The following LIPA variants were observed in gnomAD, a reference collection of about 807,000 sequenced individuals.
The protein encoded by LIPA is lipase A, lysosomal acid type, also known as lysosomal acid lipase/cholesteryl ester hydrolase.
LIPA carries 26 observed loss-of-function variants against 40.6 expected under a neutral mutation model. The observed-to-expected ratio is 0.64, with a 90% CI of 0.47 to 0.89. The LOEUF (loss-of-function observed/expected upper bound fraction) is 0.89, where lower values mean the gene tolerates loss of function less well. LIPA is among the 40% of genes least tolerant of loss of function. The probability of loss-of-function intolerance (pLI) is 0.00; values close to 1 mark genes in which losing one functional copy is unlikely to be tolerated. For synonymous variants in LIPA, 188 were observed against 168.4 expected (o/e 1.12, Z -0.90); for missense variants, 455 against 479.6 (o/e 0.95, Z 0.48).
At chr10:89,260,586 C>A (rs935380988) in intron 1 of LIPA, among the ~76,000 whole-genome samples, 2 of 152,198 alleles carry the variant, frequency 1.3e-5, no homozygotes, top group Non-Finnish European at 1.5e-5. Context: ...CACGCTTGGG[C>A]CTCCTACTTG....
At chr10:89,286,558 C>A (rs977980476) in intron 1 of LIPA, among the ~76,000 whole-genome samples, 3 of 152,288 alleles carry the variant, frequency 2.0e-5, no homozygotes, top group African/African-American at 7.2e-5. Context: ...CAACCTCTCC[C>A]AAATCAGTTA....
upstream of LIPA, among the ~76,000 whole-genome samples, chr10:89,254,535 A>C (rs981511050): frequency 1.3e-5 from 2 of 152,160 alleles, no homozygotes; most frequent in Non-Finnish European, 2.9e-5. Flanking sequence ...CTGTGATGGG[A>C]GGGGCTGCCT....
At chr10:89,297,412 T>C (rs900598580) in intron 1 of LIPA, among the ~76,000 whole-genome samples, 2 of 152,030 alleles carry the variant, frequency 1.3e-5, no homozygotes, top group Non-Finnish European at 2.9e-5. Flanking sequence ...TTACATCCTA[T>C]CCTGGGAACC....
intron 1 of LIPA, among the ~76,000 whole-genome samples, chr10:89,336,238 A>G (rs1468338877): frequency 6.6e-6 from 1 of 151,758 alleles, no homozygotes; most frequent in Admixed American, 6.6e-5. Flanking sequence ...AGGGAGGGAA[A>G]GAAGGAAGGA....
At chr10:89,385,002 G>A in intron 2 of LIPA, 1 of 416,844 alleles carries the variant, frequency 2.4e-6, no homozygotes, top group Non-Finnish European at 4.3e-6. Context: ...ATCTTTCTTG[G>A]AACATAGCAA....
chr10:89,370,823 C>T (rs1281213313), intron 2 of LIPA, among the ~76,000 whole-genome samples: 1 of 152,046 alleles, frequency 6.6e-6, no homozygotes, highest in Admixed American at 6.6e-5. Context: ...TCAAGACTAG[C>T]CTGGCCAACA....
At chr10:89,340,178 G>T in intron 1 of LIPA, 1 of 1,517,322 alleles carries the variant, frequency 6.6e-7, no homozygotes, top group East Asian at 2.3e-5. Flanking sequence ...TGGTTGTGAC[G>T]GGTAGGACGA....
At position 89,384,451 on chromosome 10, in the gene LIPA, A is replaced by T. The variant is rs752605143; in HGVS notation, c.61+28340T>A. The T allele has an allele frequency of 3.7e-6, 6 of 1,614,114 alleles. No individual in the cohort carries two copies. Among genetic ancestry groups the T allele is most frequent in the Non-Finnish European group, 5.1e-6 (6 of 1,180,064 alleles). On this transcript the variant is annotated intron_variant, in intron 2 of 8. Coordinates refer to the LIPA transcript ENST00000371837. Reference sequence around the variant, plus strand: ...CTTTGAAGATCAGCTAAAGCAAGAGATTCATTACCACTACGGCCGTTTCCA... The same window carrying T: ...CTTTGAAGATCAGCTAAAGCAAGAGTTTCATTACCACTACGGCCGTTTCCA...
intron 2 of LIPA, chr10:89,406,012 A>T (rs138431125): frequency 5.7e-4 from 87 of 152,298 alleles, no homozygotes; most frequent in African/African-American, 1.9e-3. Flanking sequence ...TACTGATTTC[A>T]TCCATTGCCC....
At chr10:89,270,755 C>G (rs891073740) in intron 1 of LIPA, among the ~76,000 whole-genome samples, 4 of 152,216 alleles carry the variant, frequency 2.6e-5, no homozygotes, top group Non-Finnish European at 5.9e-5. Context: ...TTATACGACC[C>G]AACAGATCTG....
chr10:89,318,908 C>G (rs1308386379), intron 1 of LIPA, among the ~76,000 whole-genome samples: 1 of 152,202 alleles, frequency 6.6e-6, no homozygotes, highest in Non-Finnish European at 1.5e-5. Flanking sequence ...GATTAAGAAA[C>G]TCACTCAAAA....
chr10:89,407,034 G>T (rs1340788763), intron 2 of LIPA, among the ~76,000 whole-genome samples: 1 of 152,134 alleles, frequency 6.6e-6, no homozygotes, highest in Non-Finnish European at 1.5e-5. Context: ...CTGGGAAAGG[G>T]CTCTCTAACA....
intron 1 of LIPA, among the ~76,000 whole-genome samples, chr10:89,326,950 T>C (rs939335780): frequency 1.4e-4 from 21 of 152,290 alleles, no homozygotes; most frequent in African/African-American, 4.3e-4. Flanking sequence ...TAGGGAGACA[T>C]AAGGCATCAA....
chr10:89,307,229 A>G lies in LIPA; in HGVS notation c.-2+35382T>C, dbSNP rs772567224. 5 of 1,614,074 alleles carry G rather than the reference A, an allele frequency of 3.1e-6. No homozygotes were observed. In the East Asian group the frequency reaches 1.1e-4, roughly 36 times the overall value. Reference sequence around the variant, plus strand: ...AAAAATTGCCAAAATGCGACTTTCTAAAAATGGAGCAGATTCTGAGGCTTT... The same window carrying G: ...AAAAATTGCCAAAATGCGACTTTCTGAAAATGGAGCAGATTCTGAGGCTTT... On this transcript the variant is annotated intron_variant, in intron 1 of 5. Coordinates refer to the LIPA transcript ENST00000282673.
Position 89,247,570 on chromosome 10 carries a change from T to C in LIPA, c.79A>G (p.Thr27Ala). 1 of 1,612,384 alleles carries C rather than the reference T, an allele frequency of 6.2e-7. No individual in the cohort carries two copies. Among genetic ancestry groups the C allele is most frequent in the Non-Finnish European group, 8.5e-7 (1 of 1,178,564 alleles). The change falls in exon 2 of 10, where the codon ACA becomes GCA. Residue 27 changes from threonine to alanine, a missense_variant. Physicochemically the swap from Thr to Ala is moderately conservative, Grantham distance 58. Transcript: ENST00000336233. Reference sequence around the variant, plus strand: ...ATGTTTGTTTCAGGATCCACAGCTGTCAGTTTCCCTCCAGACCCCTCAGAA... The same window carrying C: ...ATGTTTGTTTCAGGATCCACAGCTGCCAGTTTCCCTCCAGACCCCTCAGAA... ...LHSEGSGGKL[T>A]AVDPETNMNV...
At chr10:89,410,841 G>A (rs1201755332) in intron 2 of LIPA, among the ~76,000 whole-genome samples, 1 of 152,168 alleles carries the variant, frequency 6.6e-6, no homozygotes, top group Non-Finnish European at 1.5e-5. Context: ...GGAGAGGGAA[G>A]AACAGCAGCA....
chr10:89,262,009 C>CT (rs1843213558), intron 1 of LIPA, among the ~76,000 whole-genome samples: 1 of 152,182 alleles, frequency 6.6e-6, no homozygotes. Context: ...GGTATGTGAT[C>CT]TGTTTTTTTC....
At chr10:89,294,187 G>A (rs570372514) in intron 1 of LIPA, among the ~76,000 whole-genome samples, 2 of 152,356 alleles carry the variant, frequency 1.3e-5, no homozygotes, top group Admixed American at 6.5e-5. Context: ...GAAAGATAAA[G>A]TCATTTACCC....
At chr10:89,319,582 C>T (rs1843560142) in intron 1 of LIPA, among the ~76,000 whole-genome samples, 1 of 152,076 alleles carries the variant, frequency 6.6e-6, no homozygotes, top group African/African-American at 2.4e-5. Context: ...AGCCTACCAA[C>T]CAAAAAAAGT....
Sources: allele counts gnomAD v4.1 joint callset (sites outside exome capture counted in the v4.1 genomes callset), GRCh38; gene constraint gnomAD v4.1.1; transcripts MANE v1.5; gene names NCBI Gene and HGNC (gene_info 2026-07-23, HGNC 2026-07-21).